QRFPR: variants seen among roughly 807,000 people sequenced by gnomAD.
QRFPR encodes the protein pyroglutamylated RF-amide peptide receptor.
A neutral mutation model predicts 31.3 loss-of-function variants in QRFPR; 37 were observed. The observed-to-expected ratio is 1.18, with a 90% CI of 0.91 to 1.56. The LOEUF (loss-of-function observed/expected upper bound fraction) is 1.56. QRFPR is among the 40% of genes most tolerant of loss of function. The pLI is 0.00. For missense variants in QRFPR, 542 were observed against 532.5 expected, an observed-to-expected ratio of 1.02 and a Z score of -0.18; for synonymous variants, 197 against 192.0, an observed-to-expected ratio of 1.03 and a Z score of -0.22.
chr4:121,336,233 G>A (rs544884472), intron 3 of QRFPR, among the ~76,000 whole-genome samples: 10 of 152,212 alleles, frequency 6.6e-5, no homozygotes, highest in African/African-American at 2.4e-4. Context: ...CAGACAGGCT[G>A]GGCTGTCTGA....
chr4:121,352,552 A>C (rs1725782694), intron 1 of QRFPR, among the ~76,000 whole-genome samples: 1 of 152,082 alleles, frequency 6.6e-6, no homozygotes, highest in Admixed American at 6.6e-5. Flanking sequence ...TTGAAGTTAA[A>C]ACACTGGCCT....
intron 1 of QRFPR, among the ~76,000 whole-genome samples, chr4:121,375,874 C>A (rs1008221230): frequency 6.6e-6 from 1 of 152,140 alleles, no homozygotes. Flanking sequence ...TGGTGTTCTG[C>A]AGCACTGGTC....
At chr4:121,369,940 C>T (rs1726200664) in intron 1 of QRFPR, 4 of 766,952 alleles carry the variant, frequency 5.2e-6, no homozygotes, top group Middle Eastern at 3.6e-4. Context: ...TGGTGACACC[C>T]TTGTGGGTGT....
Position 121,333,828 on chromosome 4 carries a change from G to A in QRFPR, c.562-772C>T, listed in dbSNP as rs1443863387. ...TTTTTTGGGTAATAGGAATAAAAAC[G>A]AGAATATTTATCAAAACCATTGTTA... On this transcript the variant is annotated intron_variant, in intron 3 of 5. Transcript: ENST00000394427. 2.6e-5 allele frequency among the ~76,000 whole-genome samples: 4 copies of A among 152,094 alleles called. No homozygotes were observed. In the East Asian group the frequency reaches 5.8e-4, roughly 22 times the overall value.
intron 1 of QRFPR, among the ~76,000 whole-genome samples, chr4:121,363,102 G>T (rs537319449): frequency 3.3e-5 from 5 of 149,982 alleles, no homozygotes; most frequent in Non-Finnish European, 7.4e-5. Context: ...GGGAGGCCAA[G>T]GTGGGCAGAT....
intron 1 of QRFPR, among the ~76,000 whole-genome samples, chr4:121,344,729 C>T (rs1426137982): frequency 3.3e-5 from 5 of 152,112 alleles, no homozygotes; most frequent in African/African-American, 1.2e-4. Context: ...TCTGGTTTTC[C>T]TCTGCCCTTC....
intron 1 of QRFPR, among the ~76,000 whole-genome samples, chr4:121,371,800 T>A: frequency 6.6e-6 from 1 of 152,240 alleles, no homozygotes; most frequent in East Asian, 1.9e-4. Context: ...TCCAAGGGGC[T>A]TAGTGGCTAA....
At chr4:121,376,150 C>A (rs535794823) in intron 1 of QRFPR, among the ~76,000 whole-genome samples, 3 of 152,290 alleles carry the variant, frequency 2.0e-5, no homozygotes, top group East Asian at 1.9e-4. Context: ...CATGGCAGAG[C>A]AACTCCACCC....
chr4:121,340,209 T>G (rs1725515377), intron 2 of QRFPR: 1 of 468,008 alleles, frequency 2.1e-6, no homozygotes. Context: ...ACATAGTGCT[T>G]AAACGTTTAA....
chr4:121,380,186 G>GGAGAGAGAGGGGGAGAGA, intron 1 of QRFPR, 122 bp downstream of exon 1: 2 of 234,842 alleles, frequency 8.5e-6, no homozygotes, highest in Non-Finnish European at 7.4e-6. Flanking sequence ...AGACGAGAGA[G>GGAGAGAGAGGGGGAGAGA]GAGAGAGAGA....
At chr4:121,363,898 A>AAG (rs1461688085) in intron 1 of QRFPR, among the ~76,000 whole-genome samples, 1 of 146,906 alleles carries the variant, frequency 6.8e-6, no homozygotes, top group Non-Finnish European at 1.5e-5. Flanking sequence ...TTGAAGGAGA[A>AAG]AGAGAGAGAG....
intron 3 of QRFPR, 62 bp from the exon 4 acceptor site, chr4:121,333,118 C>T (rs1579567699): frequency 1.8e-6 from 2 of 1,126,664 alleles, no homozygotes; most frequent in South Asian, 1.5e-5. Flanking sequence ...CAGAAATCAG[C>T]CAAGTATTAT....
intron 1 of QRFPR, among the ~76,000 whole-genome samples, chr4:121,379,039 A>C (rs1233459477): frequency 6.6e-6 from 1 of 152,218 alleles, no homozygotes; most frequent in Non-Finnish European, 1.5e-5. Flanking sequence ...TGCACTGAGC[A>C]ACTTTAAAAT....
chr4:121,347,980 G>GA, intron 1 of QRFPR, among the ~76,000 whole-genome samples: 1 of 151,872 alleles, frequency 6.6e-6, no homozygotes, highest in Non-Finnish European at 1.5e-5. Flanking sequence ...TTTTTATATG[G>GA]ATATAACTTT....
intron 1 of QRFPR, among the ~76,000 whole-genome samples, chr4:121,355,414 T>A (rs1207330796): frequency 6.6e-6 from 1 of 152,178 alleles, no homozygotes; most frequent in Admixed American, 6.5e-5. Flanking sequence ...TCAGTTGTAA[T>A]GTCTCCCTTT....
chr4:121,346,498 T>A (rs1191960023), intron 1 of QRFPR, among the ~76,000 whole-genome samples: 1 of 152,242 alleles, frequency 6.6e-6, no homozygotes, highest in African/African-American at 2.4e-5. Context: ...AATACACTTG[T>A]ATTTCTTCCT....
chr4:121,373,632 G>GA (rs1321683878), intron 1 of QRFPR, among the ~76,000 whole-genome samples: 2 of 151,964 alleles, frequency 1.3e-5, no homozygotes, highest in Non-Finnish European at 2.9e-5. Context: ...AAATATCATA[G>GA]AAAAAAATTA....
At chr4:121,365,554 T>G (rs1726092544) in intron 1 of QRFPR, among the ~76,000 whole-genome samples, 1 of 3,134 alleles carries the variant, frequency 3.2e-4, no homozygotes, top group Non-Finnish European at 4.6e-4. Flanking sequence ...ATATATAATA[T>G]ATAATATATA....
At chr4:121,340,108 CAAAAAAAA>C (rs58311512) in intron 2 of QRFPR, 2 of 125,040 alleles carry the variant, frequency 1.6e-5, no homozygotes, top group South Asian at 4.0e-4. Flanking sequence ...CACTCTGTCT[CAAAAAAAA>C]AAAAAAAAAA....
Sources: gnomAD v4.1 joint callset for allele counts (sites outside exome capture counted in the v4.1 genomes callset) on GRCh38, gnomAD v4.1.1 for gene constraint, MANE v1.5 for transcripts, NCBI Gene and HGNC (gene_info 2026-07-23, HGNC 2026-07-21) for gene names.